The following ROCK2 variants were observed in gnomAD, a reference collection of about 807,000 sequenced individuals.
ROCK2 encodes the protein rho-associated protein kinase 2.
A neutral mutation model predicts 195.1 loss-of-function variants in ROCK2; 61 were observed. The ratio of observed to expected loss-of-function variants is 0.31; its 90% CI spans 0.25 to 0.39. The LOEUF (loss-of-function observed/expected upper bound fraction) is 0.39, where lower values mean the gene tolerates loss of function less well. Among genes scored for constraint, ROCK2 ranks in the 10% least tolerant of loss-of-function variants. The pLI is 1.00. For missense variants in ROCK2, 1,109 were observed against 1,637.4 expected, an observed-to-expected ratio of 0.68 and a Z score of 5.57; for synonymous variants, 504 against 545.5, an observed-to-expected ratio of 0.92 and a Z score of 1.06.
intron 1 of ROCK2, among the ~76,000 whole-genome samples, chr2:11,296,345 G>C (rs1017751072): frequency 2.0e-5 from 3 of 152,102 alleles, no homozygotes; most frequent in Admixed American, 2.0e-4. Flanking sequence ...AGGTAAAACA[G>C]TTTGGTCATA....
intron 6 of ROCK2, 23 bp downstream of exon 6, chr2:11,227,231 A>T: frequency 1.9e-6 from 3 of 1,589,436 alleles, no homozygotes; most frequent in Non-Finnish European, 2.6e-6. Flanking sequence ...ATTTTGAAAA[A>T]AGAAGTTAAA....
intron 1 of ROCK2, among the ~76,000 whole-genome samples, chr2:11,337,208 G>A (rs1346478274): frequency 6.6e-6 from 1 of 150,696 alleles, no homozygotes; most frequent in Non-Finnish European, 1.5e-5. Flanking sequence ...TTGTGCCACT[G>A]CACTCCAGCC....
At chr2:11,325,073 A>G (rs1668507182) in intron 1 of ROCK2, among the ~76,000 whole-genome samples, 1 of 152,252 alleles carries the variant, frequency 6.6e-6, no homozygotes, top group Non-Finnish European at 1.5e-5. Flanking sequence ...ATCATTTAAC[A>G]CAGAAATAGA....
chr2:11,305,036 C>T (rs1667811796), intron 1 of ROCK2, among the ~76,000 whole-genome samples: 1 of 39,736 alleles, frequency 2.5e-5, no homozygotes, highest in Non-Finnish European at 6.9e-5. Flanking sequence ...TGGTGTTGAG[C>T]TGGAACTAGA....
At chr2:11,257,298 G>C (rs1204843404) in intron 3 of ROCK2, among the ~76,000 whole-genome samples, 9 of 151,236 alleles carry the variant, frequency 6.0e-5, no homozygotes, top group African/African-American at 2.0e-4. Flanking sequence ...GTGGGGCTTA[G>C]AGCTGCGGGC....
rs1484677689 is a variant in ROCK2 at position 11,317,372 on chromosome 2, T to C, written c.141+26624A>G. On this transcript the variant is annotated intron_variant, in intron 1 of 32. Transcript: ENST00000315872. ...GATTTGGAATCAGACGAACTTGAAATTGAATATTAACTCTACCAACGCAAC... is the reference window on the plus strand; with the variant it reads ...GATTTGGAATCAGACGAACTTGAAACTGAATATTAACTCTACCAACGCAAC... 4.0e-5 allele frequency among the ~76,000 whole-genome samples: 6 copies of C among 151,242 alleles called. No individual in the cohort carries two copies. In the East Asian group the frequency reaches 7.8e-4, roughly 20 times the overall value.
chr2:11,233,491 A>G (rs1665094968), intron 5 of ROCK2, among the ~76,000 whole-genome samples: 1 of 152,170 alleles, frequency 6.6e-6, no homozygotes, highest in Non-Finnish European at 1.5e-5. Context: ...TTTCACTTCT[A>G]TGTTTATATT....
At chr2:11,284,784 T>C (rs1270259636) in intron 3 of ROCK2, among the ~76,000 whole-genome samples, 6 of 152,240 alleles carry the variant, frequency 3.9e-5, no homozygotes. Context: ...AACTATTCCC[T>C]GTGTTCTTCA....
At chr2:11,234,914 T>C (rs2148103521) in intron 5 of ROCK2, among the ~76,000 whole-genome samples, 1 of 152,184 alleles carries the variant, frequency 6.6e-6, no homozygotes, top group South Asian at 2.1e-4. Flanking sequence ...TTTGACTAGG[T>C]AACTACCAAG....
At chr2:11,186,110 A>T (rs1033428594) in intron 32 of ROCK2, among the ~76,000 whole-genome samples, 6 of 152,236 alleles carry the variant, frequency 3.9e-5, no homozygotes, top group Admixed American at 6.5e-5. Flanking sequence ...AAACACAGCG[A>T]CTCAAATTAC....
chr2:11,245,326 T>C (rs924521256), intron 4 of ROCK2, among the ~76,000 whole-genome samples: 1 of 151,448 alleles, frequency 6.6e-6, no homozygotes, highest in Admixed American at 6.6e-5. Context: ...TTAATAAGCA[T>C]ATGAAAGATG....
At chr2:11,307,824 T>C (rs1407708047) in intron 1 of ROCK2, among the ~76,000 whole-genome samples, 3 of 152,206 alleles carry the variant, frequency 2.0e-5, no homozygotes, top group Admixed American at 6.5e-5. Flanking sequence ...CAGACTTTTT[T>C]CCTTGTCATT....
At chr2:11,335,672 A>G (rs190155721) in intron 1 of ROCK2, among the ~76,000 whole-genome samples, 148 of 152,342 alleles carry the variant, frequency 9.7e-4, no homozygotes, top group African/African-American at 3.0e-3. Context: ...AGTATAATAA[A>G]GAGATGTAAA....
intron 4 of ROCK2, among the ~76,000 whole-genome samples, chr2:11,244,441 T>G (rs1338664908): frequency 1.3e-5 from 2 of 152,162 alleles, no homozygotes; most frequent in Non-Finnish European, 2.9e-5. Flanking sequence ...TATTTGAAAT[T>G]TATCATAATA....
chr2:11,247,201 G>A (rs1259119018), intron 4 of ROCK2, among the ~76,000 whole-genome samples: 2 of 152,058 alleles, frequency 1.3e-5, no homozygotes, highest in Non-Finnish European at 2.9e-5. Context: ...CAGGGGCAGG[G>A]GGGCAGGTGG....
In ROCK2 at chr2:11,266,253, T is replaced by C. The variant is rs144449247; in HGVS notation, c.325-16455A>G. The stretch of plus-strand genomic sequence containing the variant: ...ACTTTTTTCAGAAATATGTTCATGG[T>C]GGTTTGTTGGGCTTGTTTCTTTTCT... On this transcript the variant is annotated intron_variant, in intron 3 of 32. Transcript: ENST00000315872. Among the ~76,000 whole-genome samples, 593 of 152,250 alleles carry C rather than the reference T, an allele frequency of 3.9e-3. 2 individuals are homozygous for C. The highest frequency in any genetic ancestry group is 0.013 in the African/African-American group (533 of 41,556).
chr2:11,319,768 A>G (rs1668344535), intron 1 of ROCK2, among the ~76,000 whole-genome samples: 1 of 145,018 alleles, frequency 6.9e-6, no homozygotes, highest in Admixed American at 6.9e-5. Context: ...ATTTTTAGAT[A>G]CGTCCCATCT....
At chr2:11,293,327 G>A (rs1667418080) in intron 1 of ROCK2, among the ~76,000 whole-genome samples, 1 of 152,152 alleles carries the variant, frequency 6.6e-6, no homozygotes, top group Admixed American at 6.6e-5. Flanking sequence ...AGATAAAATT[G>A]TGTGACCCTA....
At chr2:11,332,549 G>C (rs1368727643) in intron 1 of ROCK2, among the ~76,000 whole-genome samples, 3 of 152,288 alleles carry the variant, frequency 2.0e-5, no homozygotes, top group Middle Eastern at 3.4e-3. Flanking sequence ...TTTGTCATTG[G>C]TAAAATGCAC....
Sources: gnomAD v4.1 joint callset for allele counts (sites outside exome capture counted in the v4.1 genomes callset) on GRCh38, gnomAD v4.1.1 for gene constraint, MANE v1.5 for transcripts, NCBI Gene and HGNC (gene_info 2026-07-23, HGNC 2026-07-21) for gene names.